Variants in SYNE1 observed in about 807,000 individuals in gnomAD.
SYNE1 encodes the protein spectrin repeat containing nuclear envelope protein 1.
Under a neutral mutation model 1,111.0 loss-of-function variants are expected in SYNE1, and 616 were observed. That is an observed-to-expected ratio of 0.55 (90% confidence interval 0.52 to 0.59). The LOEUF (loss-of-function observed/expected upper bound fraction) is 0.59. Ranked by LOEUF, SYNE1 falls within the 20% of genes least tolerant of loss-of-function variation. SYNE1 has a pLI of 0.00. For missense variants in SYNE1, 10,006 were observed against 10,417.0 expected, an observed-to-expected ratio of 0.96 and a Z score of 1.72; for synonymous variants, 3,855 against 3,825.8, an observed-to-expected ratio of 1.01 and a Z score of -0.28.
intron 91 of SYNE1, among the ~76,000 whole-genome samples, chr6:152,307,754 C>A: frequency 6.6e-6 from 1 of 152,154 alleles, no homozygotes; most frequent in Non-Finnish European, 1.5e-5. Context: ...AAGTAAACAA[C>A]CTGGACCATC....
intron 3 of SYNE1, among the ~76,000 whole-genome samples, chr6:152,568,463 C>A (rs112531440): frequency 6.6e-6 from 1 of 151,708 alleles, no homozygotes; most frequent in Admixed American, 6.6e-5. Flanking sequence ...CCACCACACT[C>A]GGCTAATTTT....
At chr6:152,124,572 C>G (rs1432188267) in intron 145 of SYNE1, among the ~76,000 whole-genome samples, 2 of 152,116 alleles carry the variant, frequency 1.3e-5, no homozygotes, top group African/African-American at 2.4e-5. Context: ...TTTTTGTCTT[C>G]TACTGATTTG....
chr6:152,242,091 TA>T, intron 107 of SYNE1, 148 bp downstream of exon 107: 1 of 743,564 alleles, frequency 1.3e-6, no homozygotes, highest in Admixed American at 2.1e-5. Context: ...GGTTTGAATA[TA>T]AATTTTTTGG....
intron 108 of SYNE1, among the ~76,000 whole-genome samples, chr6:152,238,987 C>T (rs1320283205): frequency 1.3e-5 from 2 of 152,034 alleles, no homozygotes; most frequent in Non-Finnish European, 2.9e-5. Context: ...CAACCACTGC[C>T]TCCCGGTTCA....
chr6:152,446,829 A>G (rs1422311948), intron 29 of SYNE1, among the ~76,000 whole-genome samples: 1 of 152,232 alleles, frequency 6.6e-6, no homozygotes, highest in Non-Finnish European at 1.5e-5. Flanking sequence ...AGGAATATAG[A>G]AAAACATTAA....
intron 108 of SYNE1, among the ~76,000 whole-genome samples, chr6:152,237,816 A>T (rs1303025570): frequency 1.3e-5 from 2 of 152,232 alleles, no homozygotes; most frequent in African/African-American, 4.8e-5. Context: ...TATTTTATTT[A>T]AAACTGGAAA....
At chr6:152,201,372 C>T (rs946083731) in intron 127 of SYNE1, among the ~76,000 whole-genome samples, 5 of 151,898 alleles carry the variant, frequency 3.3e-5, no homozygotes, top group African/African-American at 1.2e-4. Context: ...TATGCAGTCA[C>T]TGAGATAAGC....
intron 115 of SYNE1, among the ~76,000 whole-genome samples, chr6:152,228,864 T>A (rs1017945977): frequency 7.2e-5 from 11 of 152,196 alleles, no homozygotes; most frequent in African/African-American, 2.4e-4. Flanking sequence ...TGAGACTAGC[T>A]GAGGCATGTT....
At chr6:152,386,980 T>C (rs759652974) in intron 54 of SYNE1, 92 bp downstream of exon 54, 26 of 1,170,122 alleles carry the variant, frequency 2.2e-5, no homozygotes, top group Non-Finnish European at 3.5e-6. Context: ...CTTCTTTACC[T>C]GACCTTGGCA....
intron 130 of SYNE1, among the ~76,000 whole-genome samples, chr6:152,165,297 A>C (rs1216578986): frequency 6.6e-6 from 1 of 152,164 alleles, no homozygotes; most frequent in Non-Finnish European, 1.5e-5. Context: ...AGTTGCTTAA[A>C]ATTGTTATCA....
intron 25 of SYNE1, among the ~76,000 whole-genome samples, chr6:152,451,408 G>A (rs991640450): frequency 6.7e-6 from 1 of 149,130 alleles, no homozygotes; most frequent in Non-Finnish European, 1.5e-5. Flanking sequence ...TCAGTCTGCT[G>A]TGGGTTAGGT....
At chr6:152,533,685 C>T (rs1408465993) in intron 4 of SYNE1, among the ~76,000 whole-genome samples, 2 of 152,102 alleles carry the variant, frequency 1.3e-5, no homozygotes, top group Non-Finnish European at 2.9e-5. Flanking sequence ...AGTCTACGTT[C>T]AGCAGAAGAG....
chr6:152,520,669 T>G lies in SYNE1; in HGVS notation c.226-127A>C. ...TTCAAAAGCAACCAACATTGTTCAC[T>G]TTCTATAAAGGTTAGCAAATACATA... On this transcript the variant is annotated intron_variant, in intron 5 of 145. Transcript: ENST00000367255. 1.5e-5 allele frequency: 16 copies of G among 1,066,300 alleles called. No individual in the cohort carries two copies. In the South Asian group the frequency reaches 2.2e-4, roughly 15 times the overall value. 66.1% of individuals were successfully genotyped at this position (1,066,300 alleles called of 1,614,324 possible).
chr6:152,385,624 C>G (rs1327781468), intron 55 of SYNE1, 50 bp downstream of exon 55: 7 of 1,599,024 alleles, frequency 4.4e-6, no homozygotes, highest in Non-Finnish European at 5.1e-6. Context: ...ATCAAAAGTA[C>G]TCAAGAAGGA....
intron 14 of SYNE1, chr6:152,481,487 C>T (rs2098898351): frequency 2.5e-6 from 1 of 395,342 alleles, no homozygotes. Context: ...CACTAGAATC[C>T]TAATCCCCAC....
intron 102 of SYNE1, among the ~76,000 whole-genome samples, chr6:152,256,169 C>T (rs1305561813): frequency 6.6e-6 from 1 of 151,910 alleles, no homozygotes; most frequent in Admixed American, 6.6e-5. Flanking sequence ...GCCTGTAATC[C>T]CAGCACTTTG....
rs144853289 is a variant in SYNE1, at chr6:152,186,784, C to T, written c.23301+2468G>A. Among the ~76,000 whole-genome samples, 519 of 151,854 alleles carry T rather than the reference C, an allele frequency of 3.4e-3. 8 individuals carry two copies. The highest frequency in any genetic ancestry group is 0.012 in the African/African-American group (496 of 41,368). ...ATAGATCTGGTCTAATTCAATTCAT[C>T]GAACATGCTAAAAAATATTAAGAGA... On this transcript the variant is annotated intron_variant, in intron 128 of 145. Coordinates refer to ENST00000367255, the MANE Select transcript of SYNE1 (RefSeq NM_182961.4).
At chr6:152,442,319 G>A in intron 30 of SYNE1, 74 bp from the exon 31 acceptor site, 3 of 1,570,034 alleles carry the variant, frequency 1.9e-6, no homozygotes, top group South Asian at 1.1e-5. Context: ...CAACACCCAC[G>A]CTTAACAGAA....
chr6:152,537,092 C>T (rs1435079987), intron 4 of SYNE1, among the ~76,000 whole-genome samples: 1 of 151,996 alleles, frequency 6.6e-6, no homozygotes, highest in Non-Finnish European at 1.5e-5. Context: ...ACAGAGCTAA[C>T]AGAATAGAAA....
Sources: allele counts gnomAD v4.1 joint callset (sites outside exome capture counted in the v4.1 genomes callset), GRCh38; gene constraint gnomAD v4.1.1; transcripts MANE v1.5; gene names NCBI Gene and HGNC (gene_info 2026-07-23, HGNC 2026-07-21).